Variants in FTCDNL1 observed in about 807,000 individuals in gnomAD.
FTCDNL1 encodes the protein formiminotransferase cyclodeaminase N-terminal like.
FTCDNL1 carries 11 observed loss-of-function variants against 5.9 expected under a neutral mutation model. The observed-to-expected ratio is 1.87, with a 90% CI of 1.18 to 3.10. The LOEUF (loss-of-function observed/expected upper bound fraction) is 3.10, where lower values mean the gene tolerates loss of function less well. Among genes scored for constraint, FTCDNL1 ranks in the 30% most tolerant of loss-of-function variants. The pLI, the probability that FTCDNL1 is intolerant of heterozygous loss-of-function variation, is 0.00. For missense variants in FTCDNL1, 115 were observed against 65.5 expected (o/e 1.76, Z -2.61); for synonymous variants, 58 against 24.8 (o/e 2.34, Z -3.99).
In FTCDNL1 at chr2:199,842,738, T is replaced by C. The variant is rs554567410; in HGVS notation, c.211+3337A>G. On this transcript the variant is annotated intron_variant, in intron 3 of 4. Coordinates refer to ENST00000420128, the MANE Select transcript of FTCDNL1 (RefSeq NM_001363886.2). Reference sequence around the variant, plus strand: ...ATACAAAGTATACATAAATTACACATATCAGTATCAACTCTTTTATGTCAC... The same window carrying C: ...ATACAAAGTATACATAAATTACACACATCAGTATCAACTCTTTTATGTCAC... Among the ~76,000 whole-genome samples the C allele has an allele frequency of 5.5e-4, 83 of 152,284 alleles. 1 individual carries two copies. The highest frequency in any genetic ancestry group is 1.0e-3 in the South Asian group (5 of 4,826).
intron 3 of FTCDNL1, among the ~76,000 whole-genome samples, chr2:199,768,651 C>G (rs948243150): frequency 6.6e-6 from 1 of 151,994 alleles, no homozygotes; most frequent in Non-Finnish European, 1.5e-5. Flanking sequence ...ATGGCAGGTA[C>G]CTGGTGTGCC....
chr2:199,750,071 A>T, the FTCDNL1 span, among the ~76,000 whole-genome samples: 10 of 151,676 alleles, frequency 6.6e-5, no homozygotes, highest in African/African-American at 2.4e-4. Context: ...ATTAAAAAAT[A>T]GGCTGAGTGC....
the FTCDNL1 span, among the ~76,000 whole-genome samples, chr2:199,679,561 T>G: frequency 6.6e-6 from 1 of 152,160 alleles, no homozygotes; most frequent in Non-Finnish European, 1.5e-5. Flanking sequence ...TGGGTGCCTG[T>G]GTTTTTCTCT....
At chr2:199,711,152 C>G in the FTCDNL1 span, among the ~76,000 whole-genome samples, 1 of 151,986 alleles carries the variant, frequency 6.6e-6, no homozygotes, top group African/African-American at 2.4e-5. Flanking sequence ...TACAGAGTGC[C>G]AAAATGCAGC....
At chr2:199,830,022 C>T (rs1180517999) in intron 3 of FTCDNL1, among the ~76,000 whole-genome samples, 1 of 151,964 alleles carries the variant, frequency 6.6e-6, no homozygotes, top group Non-Finnish European at 1.5e-5. Context: ...ACCCATATCA[C>T]CTGAGACTCA....
intron 3 of FTCDNL1, 144 bp from the exon 4 acceptor site, chr2:199,819,901 C>A: frequency 1.7e-6 from 1 of 599,690 alleles, no homozygotes; most frequent in South Asian, 2.0e-5. Context: ...AGATCAGTGG[C>A]ATGAAGTTGC....
intron 3 of FTCDNL1, among the ~76,000 whole-genome samples, chr2:199,840,008 G>A (rs1439104062): frequency 6.6e-6 from 1 of 152,144 alleles, no homozygotes; most frequent in East Asian, 1.9e-4. Context: ...TGAGGACCAG[G>A]GCATCCAACA....
At chr2:199,762,991 T>C (rs967287091) in intron 3 of FTCDNL1, among the ~76,000 whole-genome samples, 1 of 152,208 alleles carries the variant, frequency 6.6e-6, no homozygotes. Flanking sequence ...CACATACTTG[T>C]CATGAGATGC....
chr2:199,819,354 C>T, intron 4 of FTCDNL1: 1 of 563,630 alleles, frequency 1.8e-6, no homozygotes, highest in Non-Finnish European at 3.2e-6. Context: ...AATATCACTT[C>T]TGGGGGCCCT....
At chr2:199,689,603 T>A in the FTCDNL1 span, among the ~76,000 whole-genome samples, 20 of 152,082 alleles carry the variant, frequency 1.3e-4, no homozygotes, top group Non-Finnish European at 2.6e-4. Context: ...AATGCTCAGT[T>A]TTTTGGGGGG....
chr2:199,721,467 T>C, the FTCDNL1 span, among the ~76,000 whole-genome samples: 2 of 152,220 alleles, frequency 1.3e-5, no homozygotes, highest in Admixed American at 6.5e-5. Context: ...TTTTTATGGC[T>C]GAATAGTATT....
At chr2:199,825,323 A>G (rs556220860) in intron 3 of FTCDNL1, among the ~76,000 whole-genome samples, 32 of 152,294 alleles carry the variant, frequency 2.1e-4, no homozygotes, top group African/African-American at 7.7e-4. Context: ...AAAATGCAAT[A>G]AAGTCACAAT....
chr2:199,733,897 T>C, the FTCDNL1 span, among the ~76,000 whole-genome samples: 1 of 152,168 alleles, frequency 6.6e-6, no homozygotes, highest in East Asian at 1.9e-4. Context: ...TTTTTGGCAA[T>C]TCATTTTTAT....
chr2:199,822,205 C>T (rs534396653), intron 3 of FTCDNL1, among the ~76,000 whole-genome samples: 41 of 152,078 alleles, frequency 2.7e-4, no homozygotes, highest in Non-Finnish European at 5.1e-4. Context: ...GAGTTTGAGA[C>T]CAGCCTGGGC....
chr2:199,665,892 T>C, the FTCDNL1 span, among the ~76,000 whole-genome samples: 1 of 1,126 alleles, frequency 8.9e-4, no homozygotes, highest in African/African-American at 9.3e-4. Context: ...GTTTAGATTG[T>C]GTTACTGTTT....
rs560299704 is a variant in FTCDNL1 at position 199,840,969 on chromosome 2, G to A, written c.211+5106C>T. On this transcript the variant is annotated intron_variant, in intron 3 of 4. Coordinates refer to ENST00000420128, the MANE Select transcript of FTCDNL1 (RefSeq NM_001363886.2). ...AATTCAAGACCCACCTGGGCAACAT[G>A]ACAAGACCCTGTCTCTATAAAAAAT... 5.3e-5 allele frequency among the ~76,000 whole-genome samples: 8 copies of A among 152,084 alleles called. No individual in the cohort carries two copies. In the South Asian group the frequency reaches 1.7e-3, roughly 32 times the overall value.
At chr2:199,687,773 G>C in the FTCDNL1 span, among the ~76,000 whole-genome samples, 42 of 152,188 alleles carry the variant, frequency 2.8e-4, no homozygotes, top group Admixed American at 2.7e-3. Context: ...AAGAATAATA[G>C]TAACAACTAT....
chr2:199,828,587 C>T (rs1249575277), intron 3 of FTCDNL1, among the ~76,000 whole-genome samples: 2 of 152,186 alleles, frequency 1.3e-5, no homozygotes, highest in African/African-American at 4.8e-5. Context: ...ATATTTGTGT[C>T]CTCCCTCTCC....
At chr2:199,835,545 T>A (rs1294109741) in intron 3 of FTCDNL1, among the ~76,000 whole-genome samples, 2 of 152,140 alleles carry the variant, frequency 1.3e-5, no homozygotes, top group Non-Finnish European at 2.9e-5. Flanking sequence ...TGCATGACAG[T>A]GTGGAGAGAC....
Sources: gnomAD v4.1 joint callset for allele counts (sites outside exome capture counted in the v4.1 genomes callset) on GRCh38, gnomAD v4.1.1 for gene constraint, MANE v1.5 for transcripts, NCBI Gene and HGNC (gene_info 2026-07-23, HGNC 2026-07-21) for gene names.